Variants in ACYP2 observed in about 807,000 individuals in gnomAD.
The protein encoded by ACYP2 is acylphosphatase 2, also known as acylphosphatase-2.
Under a neutral mutation model 11.2 loss-of-function variants are expected in ACYP2, and 12 were observed. The observed-to-expected ratio is 1.08, with a 90% CI of 0.69 to 1.74. ACYP2 has a LOEUF of 1.74. Among genes scored for constraint, ACYP2 ranks in the 40% most tolerant of loss-of-function variants. The pLI, the probability that ACYP2 is intolerant of heterozygous loss-of-function variation, is 0.00. For missense variants in ACYP2, 134 were observed against 101.9 expected (o/e 1.31, Z -1.35); for synonymous variants, 43 against 32.2 (o/e 1.33, Z -1.13).
chr2:54,024,613 A>G (rs1426027260), intron 2 of ACYP2, among the ~76,000 whole-genome samples: 2 of 152,228 alleles, frequency 1.3e-5, no homozygotes, highest in Non-Finnish European at 2.9e-5. Flanking sequence ...CATATATGAC[A>G]AACCCACAGC....
At chr2:54,293,320 G>A (rs922356372) in intron 6 of ACYP2, among the ~76,000 whole-genome samples, 34 of 152,266 alleles carry the variant, frequency 2.2e-4, no homozygotes, top group African/African-American at 7.2e-4. Context: ...TAGAAGCTGC[G>A]GTGCGGCAAG....
At chr2:53,986,310 A>G (rs945216121) in intron 2 of ACYP2, among the ~76,000 whole-genome samples, 9 of 151,116 alleles carry the variant, frequency 6.0e-5, no homozygotes, top group Non-Finnish European at 1.3e-4. Flanking sequence ...TGCTTCCTGT[A>G]CAGCCTGCAG....
chr2:54,145,250 T>A (rs1440967669), intron 6 of ACYP2, among the ~76,000 whole-genome samples: 1 of 152,230 alleles, frequency 6.6e-6, no homozygotes, highest in Non-Finnish European at 1.5e-5. Context: ...AAAATTTTGT[T>A]AAATCCTTGT....
intron 1 of ACYP2, among the ~76,000 whole-genome samples, chr2:53,971,617 A>G (rs1182798655): frequency 2.0e-5 from 3 of 152,202 alleles, no homozygotes; most frequent in Non-Finnish European, 2.9e-5. Flanking sequence ...CCGCCCTCCC[A>G]AGGACTTAGT....
At position 54,130,848 on chromosome 2, in the gene ACYP2, T is replaced by C. The variant is rs1401533734; in HGVS notation, c.278-4605T>C. Among the ~76,000 whole-genome samples, 3 of 152,204 alleles carry C rather than the reference T, an allele frequency of 2.0e-5. No individual in the cohort carries two copies. The East Asian group carries it at 5.8e-4, about 29-fold the overall frequency. Reference sequence around the variant, plus strand: ...TATCTGTAATGTTCTACTCTCATCATACTAATTTTTGCTCATCATTGAAGT... The same window carrying C: ...TATCTGTAATGTTCTACTCTCATCACACTAATTTTTGCTCATCATTGAAGT... On this transcript the variant is annotated intron_variant, in intron 4 of 6. Coordinates refer to ENST00000607452, the MANE Select transcript of ACYP2 (RefSeq NM_001320586.2).
chr2:54,268,768 C>T (rs936756310), intron 6 of ACYP2, among the ~76,000 whole-genome samples: 4 of 152,112 alleles, frequency 2.6e-5, no homozygotes, highest in African/African-American at 7.2e-5. Context: ...GTGTTGGCAG[C>T]ACTGCACTCC....
intron 4 of ACYP2, among the ~76,000 whole-genome samples, chr2:54,095,429 C>A (rs1331542221): frequency 2.6e-5 from 4 of 152,166 alleles, no homozygotes; most frequent in Non-Finnish European, 5.9e-5. Context: ...GGTGGCCGGG[C>A]AGAGGGGCTC....
intron 6 of ACYP2, among the ~76,000 whole-genome samples, chr2:54,169,803 T>C (rs1683150380): frequency 6.6e-6 from 1 of 152,178 alleles, no homozygotes; most frequent in African/African-American, 2.4e-5. Context: ...GTGCTAAAAA[T>C]ATTTAAAAAC....
chr2:54,005,940 G>T (rs903034677), intron 2 of ACYP2, among the ~76,000 whole-genome samples: 7 of 152,040 alleles, frequency 4.6e-5, no homozygotes, highest in Non-Finnish European at 4.4e-5. Flanking sequence ...TGATAATATT[G>T]AGTTTTCGTA....
At position 54,254,920 on chromosome 2, in the gene ACYP2, T is replaced by A. The variant is rs1273911931; in HGVS notation, c.405-49768T>A. ...CAGGAGTAATTCCAAAGGCAAAGGT[T>A]AACCACACTGGAACCCAAAGGGCCT... On this transcript the variant is annotated intron_variant, in intron 6 of 6. Transcript: ENST00000607452. 4.4e-6 allele frequency: 7 copies of A among 1,608,320 alleles called. 1 individual carries two copies. In the South Asian group the frequency reaches 7.8e-5, roughly 18 times the overall value.
chr2:54,139,321 T>G (rs1681462536), intron 6 of ACYP2, among the ~76,000 whole-genome samples: 1 of 152,220 alleles, frequency 6.6e-6, no homozygotes, highest in Admixed American at 6.5e-5. Flanking sequence ...TACAGTTAAG[T>G]GCTTTATTTA....
At chr2:54,190,593 C>T (rs11125526) in intron 6 of ACYP2, among the ~76,000 whole-genome samples, 34,145 of 151,874 alleles carry the variant, frequency 0.22, 3,961 homozygotes, top group East Asian at 0.38. Flanking sequence ...GATCTTCTGC[C>T]TCTCTTACTG....
intron 6 of ACYP2, among the ~76,000 whole-genome samples, chr2:54,140,775 C>G (rs1179849913): frequency 1.3e-5 from 2 of 151,720 alleles, no homozygotes; most frequent in African/African-American, 4.8e-5. Context: ...TTTTTTCTGT[C>G]TTGTTTTTTG....
At position 54,111,365 on chromosome 2, in the gene ACYP2, G is replaced by A. The variant is rs369077494; in HGVS notation, c.278-24088G>A. Among the ~76,000 whole-genome samples, 86 of 152,172 alleles carry A rather than the reference G, an allele frequency of 5.7e-4. 1 individual carries two copies. Among genetic ancestry groups the A allele is most frequent in the African/African-American group, 1.8e-3 (75 of 41,528 alleles). On this transcript the variant is annotated intron_variant, in intron 4 of 6. Transcript: ENST00000607452. The stretch of plus-strand genomic sequence containing the variant: ...GGTAGGGGGAAACTAAGGCAAGGGC[G>A]GGGGGGACCAACCATGCCCTCTCCT...
chr2:54,123,603 A>G (rs1322870962), intron 4 of ACYP2, among the ~76,000 whole-genome samples: 1 of 151,806 alleles, frequency 6.6e-6, no homozygotes, highest in African/African-American at 2.4e-5. Flanking sequence ...GCTGCTTCCC[A>G]TTCCCCACCT....
intron 2 of ACYP2, among the ~76,000 whole-genome samples, chr2:54,002,606 A>G (rs1452287155): frequency 6.7e-6 from 1 of 149,672 alleles, no homozygotes; most frequent in Non-Finnish European, 1.5e-5. Context: ...CGGCCTCCCA[A>G]AGTGCTAGGA....
chr2:54,174,119 G>T (rs1367367953), intron 6 of ACYP2, among the ~76,000 whole-genome samples: 1 of 152,112 alleles, frequency 6.6e-6, no homozygotes, highest in Non-Finnish European at 1.5e-5. Context: ...AAATTACCTT[G>T]GGCAGTATGG....
chr2:54,227,699 T>TAA (rs1165317729), intron 6 of ACYP2, among the ~76,000 whole-genome samples: 2 of 152,218 alleles, frequency 1.3e-5, no homozygotes, highest in African/African-American at 4.8e-5. Flanking sequence ...CTCTTTGTGA[T>TAA]AAAGCCTTAA....
At chr2:53,986,920 C>T (rs1029682972) in intron 2 of ACYP2, among the ~76,000 whole-genome samples, 11 of 152,112 alleles carry the variant, frequency 7.2e-5, no homozygotes, top group African/African-American at 2.4e-4. Flanking sequence ...CCACCGCACC[C>T]GACCAAACCT....
Sources: gnomAD v4.1 joint callset for allele counts (sites outside exome capture counted in the v4.1 genomes callset) on GRCh38, gnomAD v4.1.1 for gene constraint, MANE v1.5 for transcripts, NCBI Gene and HGNC (gene_info 2026-07-23, HGNC 2026-07-21) for gene names.